OLA1: variants seen among roughly 807,000 people sequenced by gnomAD.
OLA1 encodes Obg like ATPase 1.
OLA1 carries 14 observed loss-of-function variants against 48.4 expected under a neutral mutation model. The observed-to-expected ratio is 0.29, with a 90% confidence interval of 0.19 to 0.45. The LOEUF (loss-of-function observed/expected upper bound fraction) is 0.45. Ranked by LOEUF, OLA1 falls within the 20% of genes least tolerant of loss-of-function variation. OLA1 has a pLI of 1.00. For synonymous variants in OLA1, 127 were observed against 150.4 expected (o/e 0.84, Z 1.14); for missense variants, 325 against 467.1 (o/e 0.70, Z 2.80).
intron 7 of OLA1, among the ~76,000 whole-genome samples, chr2:174,107,485 C>T (rs1246280582): frequency 6.6e-6 from 1 of 151,966 alleles, no homozygotes. Flanking sequence ...AGGTAACATT[C>T]GAGTAGTGTT....
intron 6 of OLA1, 40 bp downstream of exon 6, chr2:174,123,555 A>G (rs1685970399): frequency 8.2e-7 from 1 of 1,212,472 alleles, no homozygotes; most frequent in South Asian, 1.4e-5. Context: ...AGCAAATGAA[A>G]GCAAAGGCAG....
intron 2 of OLA1, among the ~76,000 whole-genome samples, chr2:174,242,829 G>A (rs1414080512): frequency 1.3e-5 from 2 of 152,076 alleles, no homozygotes; most frequent in African/African-American, 4.8e-5. Flanking sequence ...GCTCCAACAG[G>A]AGCTCATTTA....
chr2:174,143,904 G>A (rs1686517683), intron 4 of OLA1, among the ~76,000 whole-genome samples: 1 of 152,130 alleles, frequency 6.6e-6, no homozygotes, highest in South Asian at 2.1e-4. Flanking sequence ...AGGAGTCTAA[G>A]ACCTGGGCAA....
At chr2:174,180,884 G>A (rs960698690) in intron 4 of OLA1, among the ~76,000 whole-genome samples, 2 of 152,182 alleles carry the variant, frequency 1.3e-5, no homozygotes, top group Non-Finnish European at 2.9e-5. Context: ...TTGCTTACTA[G>A]CAAGTAATAA....
chr2:174,229,292 A>G lies in OLA1; in HGVS notation c.245+16T>C. Reference sequence around the variant, plus strand: ...TACACAAAATCACCAAATAAATAGCATAAAATATCTCTTACCTTGCTGGTT... The same window carrying G: ...TACACAAAATCACCAAATAAATAGCGTAAAATATCTCTTACCTTGCTGGTT... On this transcript the variant is annotated intron_variant, in intron 3 of 10. Coordinates refer to ENST00000284719, the MANE Select transcript of OLA1 (RefSeq NM_013341.5). 6.2e-7 allele frequency: 1 copy of G among 1,610,286 alleles called. No individual in the cohort carries two copies. The highest frequency in any genetic ancestry group is 8.5e-7 in the Non-Finnish European group (1 of 1,179,028).
At chr2:174,103,484 C>A (rs1203185332) in intron 7 of OLA1, among the ~76,000 whole-genome samples, 1 of 152,146 alleles carries the variant, frequency 6.6e-6, no homozygotes, top group Non-Finnish European at 1.5e-5. Context: ...ATATCCTGAT[C>A]TATTATAGAC....
intron 4 of OLA1, among the ~76,000 whole-genome samples, chr2:174,176,444 A>G (rs1342584242): frequency 6.6e-6 from 1 of 152,188 alleles, no homozygotes; most frequent in Non-Finnish European, 1.5e-5. Flanking sequence ...AATAAAAACA[A>G]AAATTGGAAA....
intron 4 of OLA1, among the ~76,000 whole-genome samples, chr2:174,208,467 T>G (rs1186387485): frequency 2.0e-5 from 3 of 152,200 alleles, no homozygotes; most frequent in Non-Finnish European, 4.4e-5. Context: ...TCATCTTTGC[T>G]ATTCATGACT....
At chr2:174,165,644 T>C (rs971244321) in intron 4 of OLA1, among the ~76,000 whole-genome samples, 7 of 152,186 alleles carry the variant, frequency 4.6e-5, no homozygotes, top group African/African-American at 1.7e-4. Context: ...CTTCCTTAAA[T>C]GTAAAATAAT....
chr2:174,213,656 C>G (rs1370145030), intron 4 of OLA1, among the ~76,000 whole-genome samples: 1 of 152,040 alleles, frequency 6.6e-6, no homozygotes, highest in Non-Finnish European at 1.5e-5. Context: ...AATAACGCAC[C>G]CTGCTTTCAG....
intron 4 of OLA1, among the ~76,000 whole-genome samples, chr2:174,217,214 C>G (rs1370606372): frequency 6.6e-6 from 1 of 152,032 alleles, no homozygotes; most frequent in African/African-American, 2.4e-5. Context: ...CAAAAATAAT[C>G]AGGTTTTATT....
At chr2:174,089,139 T>C (rs1343130254) in intron 7 of OLA1, among the ~76,000 whole-genome samples, 1 of 151,784 alleles carries the variant, frequency 6.6e-6, no homozygotes, top group Non-Finnish European at 1.5e-5. Flanking sequence ...AGCCCAGGAG[T>C]TGGAGGCTAC....
In OLA1 at chr2:174,234,869, T is replaced by C. The variant is rs1026225699; in HGVS notation, c.102-5418A>G. On this transcript the variant is annotated intron_variant, in intron 2 of 10. Transcript: ENST00000284719. ...TGAAAAAGAAACTCATTTAAAATTT[T>C]AAAACTAGGCGGGGCATGGTAGCCC... is the stretch of plus-strand genomic sequence containing the variant. 2.0e-4 allele frequency among the ~76,000 whole-genome samples: 30 copies of C among 152,282 alleles called. 1 individual carries two copies. Among genetic ancestry groups the C allele is most frequent in the African/African-American group, 7.2e-4 (30 of 41,572 alleles).
At chr2:174,213,602 T>C (rs1457893443) in intron 4 of OLA1, among the ~76,000 whole-genome samples, 3 of 152,210 alleles carry the variant, frequency 2.0e-5, no homozygotes, top group East Asian at 1.9e-4. Flanking sequence ...GGCGAAGTCA[T>C]ATTGGCTCAA....
chr2:174,078,945 C>A, intron 10 of OLA1, 23 bp downstream of exon 10: 1 of 1,587,240 alleles, frequency 6.3e-7, no homozygotes, highest in African/African-American at 1.4e-5. Context: ...TTGTGAAATA[C>A]AAAAATAAAA....
intron 3 of OLA1, among the ~76,000 whole-genome samples, chr2:174,228,413 G>C (rs1305565111): frequency 6.6e-6 from 1 of 152,046 alleles, no homozygotes; most frequent in African/African-American, 2.4e-5. Flanking sequence ...ATTTCTGTAA[G>C]TAAGTGTGCA....
At chr2:174,168,056 G>T (rs1687209111) in intron 4 of OLA1, among the ~76,000 whole-genome samples, 1 of 152,188 alleles carries the variant, frequency 6.6e-6, no homozygotes, top group Non-Finnish European at 1.5e-5. Context: ...CAAAGAAGGG[G>T]AATTATATGA....
intron 7 of OLA1, among the ~76,000 whole-genome samples, chr2:174,095,917 T>C (rs1323267964): frequency 6.6e-6 from 1 of 151,994 alleles, no homozygotes; most frequent in Non-Finnish European, 1.5e-5. Flanking sequence ...AACAACAATA[T>C]TATATAGCAA....
At chr2:174,126,490 A>C (rs1403625222) in intron 5 of OLA1, among the ~76,000 whole-genome samples, 1 of 152,190 alleles carries the variant, frequency 6.6e-6, no homozygotes, top group African/African-American at 2.4e-5. Flanking sequence ...TCTGTACATT[A>C]TAGAGATACA....
Sources: allele counts gnomAD v4.1 joint callset (sites outside exome capture counted in the v4.1 genomes callset), GRCh38; gene constraint gnomAD v4.1.1; transcripts MANE v1.5; gene names NCBI Gene and HGNC (gene_info 2026-07-23, HGNC 2026-07-21).